The following UNC13C variants were observed in gnomAD, a reference collection of about 807,000 sequenced individuals.
The protein encoded by UNC13C is unc-13 homolog C, also known as protein unc-13 homolog C.
A neutral mutation model predicts 245.4 loss-of-function variants in UNC13C; 174 were observed. The ratio of observed to expected loss-of-function variants is 0.71; its 90% CI spans 0.63 to 0.80. The LOEUF is 0.80. Among genes scored for constraint, UNC13C ranks in the 30% least tolerant of loss-of-function variants. The pLI is 0.00. For synonymous variants in UNC13C, 992 were observed against 895.1 expected, an observed-to-expected ratio of 1.11 and a Z score of -1.93; for missense variants, 2,829 against 2,602.9, an observed-to-expected ratio of 1.09 and a Z score of -1.89.
chr15:54,099,911 A>G (rs1339752684), intron 2 of UNC13C, among the ~76,000 whole-genome samples: 1 of 152,052 alleles, frequency 6.6e-6, no homozygotes, highest in African/African-American at 2.4e-5. Context: ...CCTGGCCAGC[A>G]TGGTGAAACC....
At chr15:54,228,176 T>C (rs923638482) in intron 4 of UNC13C, among the ~76,000 whole-genome samples, 3 of 151,870 alleles carry the variant, frequency 2.0e-5, no homozygotes, top group Admixed American at 6.6e-5. Flanking sequence ...ACAGTCAGCG[T>C]TCATTCAAGG....
chr15:54,610,054 A>G (rs1031773109), intron 30 of UNC13C, among the ~76,000 whole-genome samples: 7 of 152,262 alleles, frequency 4.6e-5, no homozygotes, highest in Non-Finnish European at 7.4e-5. Flanking sequence ...GGGAACCGCA[A>G]TTCAAGATGA....
chr15:53,947,986 T>C, the UNC13C span: 2 of 152,250 alleles, frequency 1.3e-5, no homozygotes, highest in African/African-American at 2.4e-5. Flanking sequence ...GTTTTAACTT[T>C]ATCAGAAGGA....
chr15:54,518,665 C>A (rs913534018), intron 24 of UNC13C, among the ~76,000 whole-genome samples: 1 of 152,130 alleles, frequency 6.6e-6, no homozygotes, highest in South Asian at 2.1e-4. Flanking sequence ...CCTCAGACAC[C>A]CTGAGATAAT....
chr15:54,211,204 G>T (rs1248134274), intron 4 of UNC13C, among the ~76,000 whole-genome samples: 1 of 152,006 alleles, frequency 6.6e-6, no homozygotes, highest in Non-Finnish European at 1.5e-5. Context: ...TTCTATGCTG[G>T]CTTCCCTTTC....
chr15:54,577,094 C>G (rs1364061128), intron 30 of UNC13C, among the ~76,000 whole-genome samples: 1 of 152,022 alleles, frequency 6.6e-6, no homozygotes, highest in African/African-American at 2.4e-5. Context: ...TAGAAAAAAG[C>G]TTGTAATTTT....
the UNC13C span, among the ~76,000 whole-genome samples, chr15:53,847,024 C>T: frequency 1.3e-5 from 2 of 152,160 alleles, no homozygotes; most frequent in Non-Finnish European, 2.9e-5. Context: ...AGCCATTGTT[C>T]TGGTCTACAG....
intron 8 of UNC13C, among the ~76,000 whole-genome samples, chr15:54,262,518 A>C (rs1268725407): frequency 6.6e-6 from 1 of 152,196 alleles, no homozygotes; most frequent in South Asian, 2.1e-4. Context: ...TAATTTTACT[A>C]TTTAAGAATT....
intron 2 of UNC13C, among the ~76,000 whole-genome samples, chr15:54,114,157 A>T (rs948987411): frequency 5.9e-5 from 9 of 152,188 alleles, no homozygotes; most frequent in African/African-American, 2.2e-4. Context: ...TCCTTAATGT[A>T]TGCATCCTCT....
chr15:54,311,402 A>G (rs1375103909), intron 13 of UNC13C, among the ~76,000 whole-genome samples: 1 of 151,798 alleles, frequency 6.6e-6, no homozygotes, highest in Non-Finnish European at 1.5e-5. Context: ...ATTTCCTTTC[A>G]ATCAAACAAC....
At chr15:54,235,926 T>C (rs577233524) in intron 5 of UNC13C, among the ~76,000 whole-genome samples, 13 of 152,190 alleles carry the variant, frequency 8.5e-5, no homozygotes, top group Admixed American at 2.6e-4. Flanking sequence ...TTACTTCTGA[T>C]CATGACTCTG....
chr15:53,959,872 C>T, the UNC13C span, among the ~76,000 whole-genome samples: 1 of 152,092 alleles, frequency 6.6e-6, no homozygotes, highest in African/African-American at 2.4e-5. Context: ...CTGGGTATCA[C>T]TGCAATAAAT....
At chr15:53,989,712 G>C (rs973261720) in intron 1 of UNC13C, among the ~76,000 whole-genome samples, 2 of 151,966 alleles carry the variant, frequency 1.3e-5, no homozygotes, top group African/African-American at 2.4e-5. Flanking sequence ...TTGTAAAGCA[G>C]TACTCATCTT....
intron 4 of UNC13C, among the ~76,000 whole-genome samples, chr15:54,170,533 T>C (rs2033357800): frequency 1.3e-5 from 2 of 152,216 alleles, no homozygotes; most frequent in African/African-American, 4.8e-5. Context: ...CTTTTTAAAA[T>C]TAAAAACATT....
At chr15:53,864,542 G>T in the UNC13C span, among the ~76,000 whole-genome samples, 4 of 152,126 alleles carry the variant, frequency 2.6e-5, no homozygotes, top group African/African-American at 9.7e-5. Flanking sequence ...GGCAATATAG[G>T]CCTCAAGTAG....
intron 17 of UNC13C, among the ~76,000 whole-genome samples, chr15:54,346,135 C>T (rs901954622): frequency 6.6e-6 from 1 of 152,106 alleles, no homozygotes; most frequent in Non-Finnish European, 1.5e-5. Context: ...CCTGTCTTCC[C>T]GGCTAAACCG....
rs75476523 is a variant in UNC13C, at chr15:54,193,982, G to A, written c.3072-41048G>A. ...AGCTTGGCCAACTAGAGGAACTGAA[G>A]GAAGGCCAGTGTAGTCCAAATGCAG... On this transcript the variant is annotated intron_variant, in intron 4 of 32. Transcript: ENST00000260323. Among the ~76,000 whole-genome samples the A allele has an allele frequency of 6.0e-3, 920 of 152,272 alleles. 53 individuals carry two copies. The East Asian group carries it at 0.11, about 18-fold the overall frequency.
intron 18 of UNC13C, among the ~76,000 whole-genome samples, chr15:54,414,535 T>A (rs571705507): frequency 6.6e-6 from 1 of 152,130 alleles, no homozygotes; most frequent in African/African-American, 2.4e-5. Context: ...TAATCCCAGC[T>A]ACTTGGGAGG....
chr15:54,218,334 A>G (rs940734779), intron 4 of UNC13C, among the ~76,000 whole-genome samples: 2 of 151,994 alleles, frequency 1.3e-5, no homozygotes, highest in Admixed American at 1.3e-4. Flanking sequence ...GTTAAGGGTT[A>G]CAGAGATAGG....
Sources: allele counts gnomAD v4.1 joint callset (sites outside exome capture counted in the v4.1 genomes callset), GRCh38; gene constraint gnomAD v4.1.1; transcripts MANE v1.5; gene names NCBI Gene and HGNC (gene_info 2026-07-23, HGNC 2026-07-21).